SLIT1: variants seen among roughly 807,000 people sequenced by gnomAD.
SLIT1 encodes slit guidance ligand 1.
Under a neutral mutation model 186.1 loss-of-function variants are expected in SLIT1, and 66 were observed. The ratio of observed to expected loss-of-function variants is 0.35; its 90% confidence interval spans 0.29 to 0.44. SLIT1 has a LOEUF of 0.44. Among genes scored for constraint, SLIT1 ranks in the 20% least tolerant of loss-of-function variants. The probability of loss-of-function intolerance (pLI) is 1.00; values close to 1 mark genes in which losing one functional copy is unlikely to be tolerated. For missense variants in SLIT1, 1,638 were observed against 2,037.4 expected (o/e 0.80, Z 3.77); for synonymous variants, 761 against 833.8 (o/e 0.91, Z 1.50).
chr10:97,138,816 T>G (rs1413534034), intron 4 of SLIT1, among the ~76,000 whole-genome samples: 1 of 152,216 alleles, frequency 6.6e-6, no homozygotes, highest in Non-Finnish European at 1.5e-5. Flanking sequence ...TGAAATACAA[T>G]GTTTCACTAT....
At chr10:97,144,027 G>A (rs946159171) in intron 4 of SLIT1, among the ~76,000 whole-genome samples, 8 of 152,052 alleles carry the variant, frequency 5.3e-5, no homozygotes, top group African/African-American at 1.2e-4. Context: ...GCGAAACCCC[G>A]TCTCTACTAA....
At chr10:97,033,245 C>G (rs933629708) in intron 23 of SLIT1, among the ~76,000 whole-genome samples, 2 of 152,048 alleles carry the variant, frequency 1.3e-5, no homozygotes, top group African/African-American at 4.8e-5. Context: ...GGCTTGGGCC[C>G]ACATTCAGCT....
At chr10:97,171,052 C>CA (rs1439160139) in intron 1 of SLIT1, among the ~76,000 whole-genome samples, 3 of 151,726 alleles carry the variant, frequency 2.0e-5, no homozygotes, top group Admixed American at 6.6e-5. Context: ...TGCAGGGTCT[C>CA]AAAAAAATAA....
intron 1 of SLIT1, among the ~76,000 whole-genome samples, chr10:97,183,553 G>A (rs1241815938): frequency 6.6e-6 from 1 of 152,192 alleles, no homozygotes; most frequent in Non-Finnish European, 1.5e-5. Flanking sequence ...ATAGGTGACA[G>A]AGCTGGGGAA....
chr10:97,104,005 C>T lies in SLIT1; in HGVS notation c.414-37919G>A, dbSNP rs146197716. ...TGTGCATCAGGTGGCCTTGTTCCTG[C>T]GGCGGGGATACAGCAAGGAACACAG... On this transcript the variant is annotated intron_variant, in intron 4 of 36. Coordinates refer to ENST00000266058, the MANE Select transcript of SLIT1 (RefSeq NM_003061.3). 2.8e-3 allele frequency among the ~76,000 whole-genome samples: 427 copies of T among 152,224 alleles called. 2 individuals carry two copies. The highest frequency in any genetic ancestry group is 9.4e-3 in the African/African-American group (392 of 41,530).
At chr10:97,141,697 G>GTATCA (rs1385263422) in intron 4 of SLIT1, among the ~76,000 whole-genome samples, 39 of 96,222 alleles carry the variant, frequency 4.1e-4, no homozygotes, top group East Asian at 3.2e-3. Flanking sequence ...GTATCGTATC[G>GTATCA]TATCGTATTG....
At chr10:97,094,196 C>G (rs528647199) in intron 4 of SLIT1, among the ~76,000 whole-genome samples, 1 of 152,360 alleles carries the variant, frequency 6.6e-6, no homozygotes, top group African/African-American at 2.4e-5. Context: ...TTCAAGGCAG[C>G]TAGTACCAGA....
rs1368050828 is a variant in SLIT1, at chr10:97,000,884, C to G, written c.*228G>C. 1.7e-6 allele frequency: 1 copy of G among 576,870 alleles called. No homozygotes were observed. Among genetic ancestry groups the G allele is most frequent in the Non-Finnish European group, 3.1e-6 (1 of 323,662 alleles). 35.7% of individuals were successfully genotyped at this position (576,870 alleles called of 1,614,324 possible). A position where few individuals can be genotyped will look rare whatever the true frequency, so the allele number is the denominator to read the frequency against. ...AAGCGCCTATTTGTGCAAGGCACTT[C>G]CGGAGAGGGCAGCCCGCAGCTCAGG... On this transcript the variant is annotated 3_prime_UTR_variant, in exon 37 of 37. Coordinates refer to ENST00000266058, the MANE Select transcript of SLIT1 (RefSeq NM_003061.3).
chr10:97,183,038 G>A (rs1213146839), intron 1 of SLIT1, among the ~76,000 whole-genome samples: 1 of 151,970 alleles, frequency 6.6e-6, no homozygotes, highest in African/African-American at 2.4e-5. Context: ...AATGTGCTGG[G>A]CCTGGAGCCC....
chr10:97,006,792 G>C lies in SLIT1; in HGVS notation c.3342-72C>G. On this transcript the variant is annotated intron_variant, in intron 31 of 36. Coordinates refer to ENST00000266058, the MANE Select transcript of SLIT1 (RefSeq NM_003061.3). The surrounding 1 kb of genome is among the most constrained non-coding windows in gnomAD (Gnocchi z 4.0). Reference sequence around the variant, plus strand: ...TATCTTCCTCTCCCACAGCCCTGGAGAGAAATTCACTAAACATCTTGGGAA... The same window carrying C: ...TATCTTCCTCTCCCACAGCCCTGGACAGAAATTCACTAAACATCTTGGGAA... 9.8e-7 allele frequency: 1 copy of C among 1,023,066 alleles called. No individual in the cohort carries two copies. The highest frequency in any genetic ancestry group is 2.1e-4 in the Middle Eastern group (1 of 4,816). 63.4% of individuals were successfully genotyped at this position (1,023,066 alleles called of 1,614,324 possible).
Position 97,057,270 on chromosome 10 carries a change from C to T in SLIT1, c.1097G>A (p.Gly366Glu), listed in dbSNP as rs1433685576. Residue 366 changes from glycine (G) to glutamate (E), a missense_variant, in exon 12 of 37, where the codon GGA becomes GAA. By Grantham distance (98) the Gly-to-Glu change is moderately conservative. Transcript: ENST00000266058. ...ACGGGGGAGGTCTGTGATCTTGTTT[C>T]CATAGAGGACCCTGGAGAAAAGGCA... ...LRSLNSLVLYGNKITDLPRGV... is the reference protein window; with the variant it reads ...LRSLNSLVLYENKITDLPRGV... 6.2e-7 allele frequency: 1 copy of T among 1,613,668 alleles called. No homozygotes were observed. The highest frequency in any genetic ancestry group is 1.3e-5 in the African/African-American group (1 of 74,900).
At chr10:97,037,079 T>G (rs578170608) in intron 22 of SLIT1, among the ~76,000 whole-genome samples, 9 of 150,260 alleles carry the variant, frequency 6.0e-5, no homozygotes, top group Admixed American at 6.0e-4. Context: ...TGTGTGTGTG[T>G]GTGTGTGTGT....
Position 97,000,811 on chromosome 10 carries a change from A to ACTT in SLIT1, c.*298_*300dup, listed in dbSNP as rs1282305848. ...GTAAGGAGGGGTGTCATCGTTCTGC[A>ACTT]CTTCTTGGCCTGACCTCACGCACAC... On this transcript the variant is annotated 3_prime_UTR_variant, in exon 37 of 37. Transcript: ENST00000266058. 1 of 367,836 alleles carries ACTT rather than the reference A, an allele frequency of 2.7e-6. No homozygotes were observed. Among genetic ancestry groups the ACTT allele is most frequent in the Non-Finnish European group, 5.0e-6 (1 of 201,054 alleles). The allele number at this position is 367,836 out of a possible 1,614,324, so 22.8% of individuals were successfully genotyped here. A position where few individuals can be genotyped will look rare whatever the true frequency, so the allele number is the denominator to read the frequency against.
intron 4 of SLIT1, among the ~76,000 whole-genome samples, chr10:97,071,518 C>T (rs1172350808): frequency 2.0e-5 from 3 of 152,174 alleles, no homozygotes; most frequent in African/African-American, 7.2e-5. Context: ...TAGACCCAAC[C>T]TTGTTCTAGA....
Position 97,010,888 on chromosome 10 carries a change from G to T in SLIT1, c.3341+105C>A. The T allele has an allele frequency of 9.0e-7, 1 of 1,110,604 alleles. No homozygotes were observed. Among genetic ancestry groups the T allele is most frequent in the Non-Finnish European group, 1.3e-6 (1 of 772,638 alleles). 68.8% of individuals were successfully genotyped at this position (1,110,604 alleles called of 1,614,324 possible). A position where few individuals can be genotyped will look rare whatever the true frequency, so the allele number is the denominator to read the frequency against. On this transcript the variant is annotated intron_variant, in intron 31 of 36. Coordinates refer to ENST00000266058, the MANE Select transcript of SLIT1 (RefSeq NM_003061.3). The surrounding 1 kb of genome is among the most constrained non-coding windows in gnomAD (Gnocchi z 4.8). Reference sequence around the variant, plus strand: ...TTAAAACCCCAGCATCCAACTTCCAGGCTCTGACCCACACCCCTTTCCTTC... The same window carrying T: ...TTAAAACCCCAGCATCCAACTTCCATGCTCTGACCCACACCCCTTTCCTTC...
At position 97,014,102 on chromosome 10, in the gene SLIT1, C is replaced by G; in HGVS notation, c.3026G>C (p.Cys1009Ser). 6.2e-7 allele frequency: 1 copy of G among 1,614,098 alleles called. No homozygotes were observed. The highest frequency in any genetic ancestry group is 1.1e-5 in the South Asian group (1 of 91,084). ...CCCATTGGCACAGGCATGATCCACA[C>G]AGTCATCTGTGTTCACCCCACAGGT... ...GPTCGVNTDDCVDHACANGGV... is the reference protein window; with the variant it reads ...GPTCGVNTDDSVDHACANGGV... The change falls in exon 29 of 37, where the codon TGT becomes TCT. Residue 1009 changes from cysteine (C) to serine (S), a missense_variant. Physicochemically the swap from Cys to Ser is moderately radical, Grantham distance 112 (BLOSUM62 -1). Around this residue, in one of 3 missense-constraint regions of SLIT1, gnomAD observed 1,245 missense variants for 1,535.3 expected, o/e 0.81. Transcript: ENST00000266058.
At chr10:97,018,537 G>T in intron 28 of SLIT1, 49 bp downstream of exon 28, 2 of 1,197,922 alleles carry the variant, frequency 1.7e-6, no homozygotes, top group South Asian at 1.3e-5. Context: ...AGGCACAGGT[G>T]CTGGGCCCAT....
chr10:97,118,652 T>C (rs1322942683), intron 4 of SLIT1, among the ~76,000 whole-genome samples: 1 of 152,220 alleles, frequency 6.6e-6, no homozygotes, highest in Admixed American at 6.5e-5. Flanking sequence ...ATGGCTCATC[T>C]TTCCTGTAAC....
At chr10:97,158,673 AAAAG>A (rs1398251421) in intron 3 of SLIT1, among the ~76,000 whole-genome samples, 2 of 150,860 alleles carry the variant, frequency 1.3e-5, no homozygotes, top group African/African-American at 2.4e-5. Flanking sequence ...AAAAAAAAAA[AAAAG>A]AAAGAAAGAA....
Sources: allele counts gnomAD v4.1 joint callset (sites outside exome capture counted in the v4.1 genomes callset), GRCh38; gene constraint gnomAD v4.1.1; regional missense constraint gnomAD v4.1.1; non-coding constraint Gnocchi (gnomAD v3.1); transcripts MANE v1.5; gene names NCBI Gene and HGNC (gene_info 2026-07-23, HGNC 2026-07-21).